ESR1: variants seen among roughly 807,000 people sequenced by gnomAD.
ESR1 encodes the protein estrogen receptor.
ESR1 carries 12 observed loss-of-function variants against 52.7 expected under a neutral mutation model. The observed-to-expected ratio is 0.23, with a 90% confidence interval of 0.15 to 0.37. ESR1 has a LOEUF of 0.37. Among genes scored for constraint, ESR1 ranks in the 10% least tolerant of loss-of-function variants. ESR1 has a pLI of 1.00. For missense variants in ESR1, 584 were observed against 779.7 expected (o/e 0.75, Z 2.99); for synonymous variants, 305 against 316.8 (o/e 0.96, Z 0.39).
chr6:151,787,579 C>T (rs1178816596), intron 2 of ESR1, among the ~76,000 whole-genome samples: 1 of 152,002 alleles, frequency 6.6e-6, no homozygotes, highest in African/African-American at 2.4e-5. Context: ...TAGCTGTATT[C>T]CTAGGTGTTT....
At chr6:151,994,315 C>T (rs1043171768) in intron 4 of ESR1, among the ~76,000 whole-genome samples, 1 of 152,096 alleles carries the variant, frequency 6.6e-6, no homozygotes, top group African/African-American at 2.4e-5. Flanking sequence ...GTCTTTTATG[C>T]CCACATGATA....
chr6:152,090,848 T>G (rs1290366885), intron 6 of ESR1, among the ~76,000 whole-genome samples: 1 of 152,180 alleles, frequency 6.6e-6, no homozygotes, highest in Non-Finnish European at 1.5e-5. Flanking sequence ...TTTGTACCAC[T>G]CCGTTTCCCC....
downstream of ESR1, among the ~76,000 whole-genome samples, chr6:152,107,951 A>C (rs1301911127): frequency 6.6e-6 from 1 of 152,072 alleles, no homozygotes; most frequent in East Asian, 1.9e-4. Flanking sequence ...AGGCTCAAAC[A>C]CCCTAACCCA....
rs1465326276 is a variant in ESR1, at chr6:152,100,920, AAT to A, written c.*1961_*1962del. 1.3e-5 allele frequency: 3 copies of A among 230,580 alleles called. No individual in the cohort carries two copies. Among genetic ancestry groups the A allele is most frequent in the African/African-American group, 6.6e-5 (3 of 45,156 alleles). The allele number at this position is 230,580 out of a possible 1,614,324, so 14.3% of individuals were successfully genotyped here. On this transcript the variant is annotated 3_prime_UTR_variant, in exon 8 of 8. Coordinates refer to ENST00000206249, the MANE Select transcript of ESR1 (RefSeq NM_000125.4). ...GTTTAAGAAGCACCTTATATAGTAT[AAT>A]ATATATTTTTTTGAAATTACATTGC...
chr6:151,776,223 A>G (rs985570621), intron 2 of ESR1, among the ~76,000 whole-genome samples: 1 of 152,184 alleles, frequency 6.6e-6, no homozygotes, highest in Admixed American at 6.5e-5. Context: ...CTGGGGACAT[A>G]GTGCCTGGGT....
At chr6:151,828,611 G>A (rs1398037527) in intron 1 of ESR1, among the ~76,000 whole-genome samples, 2 of 152,112 alleles carry the variant, frequency 1.3e-5, no homozygotes, top group Non-Finnish European at 2.9e-5. Context: ...TGGAGGGAGA[G>A]GTTAAAGTGT....
At chr6:151,894,778 C>T (rs374612068) in intron 3 of ESR1, among the ~76,000 whole-genome samples, 23 of 152,102 alleles carry the variant, frequency 1.5e-4, no homozygotes, top group East Asian at 5.8e-4. Context: ...CATGCTGTTT[C>T]GGTGACTATG....
At chr6:152,116,497 C>A (rs983262815) in intron 6 of ESR1, among the ~76,000 whole-genome samples, 2 of 151,986 alleles carry the variant, frequency 1.3e-5, no homozygotes, top group African/African-American at 4.8e-5. Flanking sequence ...AATCAAAAGG[C>A]CTAGAAAGGT....
At chr6:152,063,271 G>A (rs1012574922) in intron 6 of ESR1, among the ~76,000 whole-genome samples, 1 of 152,158 alleles carries the variant, frequency 6.6e-6, no homozygotes, top group African/African-American at 2.4e-5. Flanking sequence ...GAAATTCAAG[G>A]CACTGTATGC....
At position 151,863,862 on chromosome 6, in the gene ESR1, A is replaced by G. The variant is rs560370076; in HGVS notation, c.644-16793A>G. Among the ~76,000 whole-genome samples the G allele has an allele frequency of 1.1e-4, 17 of 152,360 alleles. No homozygotes were observed. In the East Asian group the frequency reaches 3.3e-3, roughly 29 times the overall value. On this transcript the variant is annotated intron_variant, in intron 2 of 7. Coordinates refer to ENST00000206249, the MANE Select transcript of ESR1 (RefSeq NM_000125.4). Reference sequence around the variant, plus strand: ...CTGGGAAAACTGGCTAGCCATATGTAGAAAGCTGAAACTGGATCACTTCCT... The same window carrying G: ...CTGGGAAAACTGGCTAGCCATATGTGGAAAGCTGAAACTGGATCACTTCCT...
At chr6:152,007,861 G>C (rs2042453063) in intron 4 of ESR1, among the ~76,000 whole-genome samples, 1 of 152,016 alleles carries the variant, frequency 6.6e-6, no homozygotes, top group South Asian at 2.1e-4. Flanking sequence ...GTTATTATTG[G>C]TGACACTTTC....
Position 151,701,211 on chromosome 6 carries a change from GT to G in ESR1, c.-201-651del, listed in dbSNP as rs34710279. 8.7e-3 allele frequency among the ~76,000 whole-genome samples: 1,257 copies of G among 145,060 alleles called. 14 individuals are homozygous for G. The highest frequency in any genetic ancestry group is 0.032 in the Middle Eastern group (9 of 282). ...TGATTTGAGATACTGTGGGCTGGGA[GT>G]TTTTTTTTTTTTAATTTCTAATGGC... On this transcript the variant is annotated intron_variant, in intron 1 of 2. Coordinates refer to the ESR1 transcript ENST00000404742.
In ESR1 at chr6:152,098,607, A is replaced by G; in HGVS notation, c.1554-125A>G. On this transcript the variant is annotated intron_variant, in intron 7 of 7. Transcript: ENST00000206249. The surrounding 1 kb of genome is among the most constrained non-coding windows in gnomAD (Gnocchi z 5.1). ...CTCCCATCCTAAAGTGGGTCTTTAAACAGGAAGAAAGAAAGATTGCTAAGT... is the reference window on the plus strand; with the variant it reads ...CTCCCATCCTAAAGTGGGTCTTTAAGCAGGAAGAAAGAAAGATTGCTAAGT... 1.2e-6 allele frequency: 1 copy of G among 830,406 alleles called. No individual in the cohort carries two copies. The highest frequency in any genetic ancestry group is 2.0e-6 in the Non-Finnish European group (1 of 500,572). The allele number at this position is 830,406 out of a possible 1,614,324, so 51.4% of individuals were successfully genotyped here. A position where few individuals can be genotyped will look rare whatever the true frequency, so the allele number is the denominator to read the frequency against.
chr6:151,708,175 A>G (rs534970690), intron 2 of ESR1, among the ~76,000 whole-genome samples: 11 of 152,208 alleles, frequency 7.2e-5, no homozygotes, highest in South Asian at 4.2e-4. Flanking sequence ...TATACATAAT[A>G]TATGTGTGTG....
intron 2 of ESR1, among the ~76,000 whole-genome samples, chr6:151,741,374 C>A (rs1783084935): frequency 6.6e-6 from 1 of 152,148 alleles, no homozygotes; most frequent in Non-Finnish European, 1.5e-5. Flanking sequence ...CATAGTATAG[C>A]TCTCTACCGA....
At chr6:151,714,030 G>T (rs547579754) in intron 2 of ESR1, among the ~76,000 whole-genome samples, 1 of 152,236 alleles carries the variant, frequency 6.6e-6, no homozygotes, top group African/African-American at 2.4e-5. Flanking sequence ...AGAGATTCTG[G>T]TATGTTCTGT....
chr6:151,792,048 T>G (rs1776213364), intron 2 of ESR1, among the ~76,000 whole-genome samples: 1 of 152,228 alleles, frequency 6.6e-6, no homozygotes, highest in African/African-American at 2.4e-5. Flanking sequence ...CATCTAGGCT[T>G]GGATAGTACA....
At chr6:152,125,122 T>C in intron 6 of ESR1, 1 of 901,750 alleles carries the variant, frequency 1.1e-6, no homozygotes, top group East Asian at 2.8e-5. Flanking sequence ...ATGACTTGCT[T>C]CAGATTCTAC....
At chr6:152,111,356 C>A (rs2051132654) in intron 6 of ESR1, among the ~76,000 whole-genome samples, 1 of 152,208 alleles carries the variant, frequency 6.6e-6, no homozygotes, top group African/African-American at 2.4e-5. Flanking sequence ...GGGATGCACT[C>A]CAAAGTGGCA....
Sources: allele counts gnomAD v4.1 joint callset (sites outside exome capture counted in the v4.1 genomes callset), GRCh38; gene constraint gnomAD v4.1.1; non-coding constraint Gnocchi (gnomAD v3.1); transcripts MANE v1.5; gene names NCBI Gene and HGNC (gene_info 2026-07-23, HGNC 2026-07-21).